WARS2: variants seen among roughly 807,000 people sequenced by gnomAD.
The protein encoded by WARS2 is tryptophanyl tRNA synthetase 2, mitochondrial, also known as tryptophan--tRNA ligase, mitochondrial.
WARS2 carries 28 observed loss-of-function variants against 36.5 expected under a neutral mutation model. The ratio of observed to expected loss-of-function variants is 0.77; its 90% CI spans 0.57 to 1.05. The LOEUF is 1.05. Ranked by LOEUF, WARS2 falls within the 50% of genes least tolerant of loss-of-function variation. The probability of loss-of-function intolerance (pLI) is 0.00; values close to 1 mark genes in which losing one functional copy is unlikely to be tolerated. For missense variants in WARS2, 435 were observed against 456.8 expected (o/e 0.95, Z 0.44); for synonymous variants, 174 against 178.4 (o/e 0.98, Z 0.20).
At chr1:119,110,687 C>T (rs587734326) in intron 1 of WARS2, among the ~76,000 whole-genome samples, 3 of 152,148 alleles carry the variant, frequency 2.0e-5, no homozygotes, top group Admixed American at 1.3e-4. Flanking sequence ...TGCTGTCTAA[C>T]ATTAATGTGG....
At chr1:119,041,234 T>C (rs1158034769) in intron 4 of WARS2, among the ~76,000 whole-genome samples, 2 of 152,200 alleles carry the variant, frequency 1.3e-5, no homozygotes, top group Admixed American at 6.5e-5. Flanking sequence ...ACTGGTGCAG[T>C]GTCTTCTTTT....
chr1:119,064,747 T>A (rs966008095), intron 2 of WARS2: 31 of 152,888 alleles, frequency 2.0e-4, no homozygotes, highest in Non-Finnish European at 4.4e-5. Flanking sequence ...GGCCTCCCCA[T>A]GTAAAACTCT....
intron 1 of WARS2, among the ~76,000 whole-genome samples, chr1:119,108,327 T>A (rs1030440110): frequency 6.6e-6 from 1 of 151,972 alleles, no homozygotes; most frequent in African/African-American, 2.4e-5. Context: ...TACTTTATAT[T>A]TTGGAAGGTT....
At chr1:119,129,946 A>T (rs181397238) in intron 1 of WARS2, among the ~76,000 whole-genome samples, 1 of 152,254 alleles carries the variant, frequency 6.6e-6, no homozygotes, top group African/African-American at 2.4e-5. Flanking sequence ...CTTGAATCAC[A>T]TTTCTCTGCA....
intron 1 of WARS2, among the ~76,000 whole-genome samples, chr1:119,133,270 T>C (rs1005589960): frequency 2.6e-5 from 4 of 152,212 alleles, no homozygotes; most frequent in Admixed American, 2.6e-4. Flanking sequence ...GAAACAAGAC[T>C]GTAAGAATAG....
intron 1 of WARS2, among the ~76,000 whole-genome samples, chr1:119,116,089 TA>T (rs1256868924): frequency 2.0e-5 from 3 of 152,218 alleles, no homozygotes; most frequent in African/African-American, 7.2e-5. Flanking sequence ...GAATATGATA[TA>T]AAGTCTGCTT....
intron 1 of WARS2, among the ~76,000 whole-genome samples, chr1:119,093,635 G>T (rs1653208211): frequency 6.6e-6 from 1 of 152,016 alleles, no homozygotes; most frequent in African/African-American, 2.4e-5. Flanking sequence ...AAGAGACAAG[G>T]AAGGGTTCTT....
At chr1:119,085,371 T>C in intron 1 of WARS2, 1 of 1,380,708 alleles carries the variant, frequency 7.2e-7, no homozygotes, top group Non-Finnish European at 1.0e-6. Flanking sequence ...AGGGCCAGGG[T>C]TGTCCTCTTC....
At chr1:119,066,427 G>T (rs1392316281) in intron 2 of WARS2, among the ~76,000 whole-genome samples, 1 of 140,920 alleles carries the variant, frequency 7.1e-6, no homozygotes, top group Non-Finnish European at 1.5e-5. Flanking sequence ...GCAGTGAGCT[G>T]AGATCATGCC....
chr1:119,042,194 T>C, intron 4 of WARS2, 70 bp downstream of exon 4: 13 of 1,458,450 alleles, frequency 8.9e-6, no homozygotes, highest in Non-Finnish European at 1.2e-5. Flanking sequence ...ACCAAGTCTG[T>C]ATTGAATAGG....
At chr1:119,076,791 A>G (rs1052749783) in intron 1 of WARS2, among the ~76,000 whole-genome samples, 184 bp from the exon 2 acceptor site, 5 of 152,170 alleles carry the variant, frequency 3.3e-5, no homozygotes, top group African/African-American at 1.2e-4. Flanking sequence ...GGCACAAAAA[A>G]ATGATATTAA....
At chr1:119,066,426 T>G (rs759434912) in intron 2 of WARS2, among the ~76,000 whole-genome samples, 1 of 136,906 alleles carries the variant, frequency 7.3e-6, no homozygotes, top group Non-Finnish European at 1.5e-5. Flanking sequence ...TGCAGTGAGC[T>G]GAGATCATGC....
At chr1:119,043,707 A>C (rs1648561964) in intron 3 of WARS2, among the ~76,000 whole-genome samples, 2 of 152,228 alleles carry the variant, frequency 1.3e-5, no homozygotes, top group African/African-American at 2.4e-5. Flanking sequence ...AGAAGAACCC[A>C]ATTTTTAAAA....
In WARS2 at chr1:119,032,051, T is replaced by A. The variant is rs1307754670; in HGVS notation, c.*860A>T. 2 of 153,730 alleles carry A rather than the reference T, an allele frequency of 1.3e-5. No homozygotes were observed. The highest frequency in any genetic ancestry group is 4.8e-5 in the African/African-American group (2 of 41,434). 9.5% of individuals were successfully genotyped at this position (153,730 alleles called of 1,614,324 possible). A position where few individuals can be genotyped will look rare whatever the true frequency, so the allele number is the denominator to read the frequency against. ...GTACTGAATAAACAAGCACTATTCT[T>A]AAGAATAAGGGGTAAGGGTTTTACT... On this transcript the variant is annotated 3_prime_UTR_variant, in exon 6 of 6. Transcript: ENST00000235521.
chr1:119,066,436 C>A (rs1469625779), intron 2 of WARS2, among the ~76,000 whole-genome samples: 4 of 146,646 alleles, frequency 2.7e-5, no homozygotes, highest in Non-Finnish European at 3.0e-5. Context: ...TGAGATCATG[C>A]CATTGCACTC....
chr1:119,050,414 T>C (rs1450417797), intron 2 of WARS2, among the ~76,000 whole-genome samples: 1 of 152,204 alleles, frequency 6.6e-6, no homozygotes, highest in African/African-American at 2.4e-5. Context: ...GTTTGGCTTA[T>C]TTATTTATTA....
chr1:119,126,690 A>G, intron 1 of WARS2: 2 of 727,070 alleles, frequency 2.8e-6, no homozygotes, highest in Non-Finnish European at 5.1e-6. Context: ...CAGCATTTTT[A>G]CTTTTCTAAC....
chr1:119,065,915 T>TTTTA (rs1650804012), intron 2 of WARS2, among the ~76,000 whole-genome samples: 1 of 152,158 alleles, frequency 6.6e-6, no homozygotes, highest in Non-Finnish European at 1.5e-5. Flanking sequence ...GCTGTGGTAT[T>TTTTA]AACCAATGTG....
rs1647973652 is a variant in WARS2, at chr1:119,037,393, TG to T, written c.516-3181del. The stretch of plus-strand genomic sequence containing the variant: ...CTACATATATCTGCTCACAGAGATT[TG>T]TTCTCTTATTATTTCTTTTTCTACT... On this transcript the variant is annotated intron_variant, in intron 4 of 5. Coordinates refer to ENST00000235521, the MANE Select transcript of WARS2 (RefSeq NM_015836.4). 7.2e-5 allele frequency among the ~76,000 whole-genome samples: 11 copies of T among 152,310 alleles called. No individual in the cohort carries two copies. In the South Asian group the frequency reaches 2.3e-3, roughly 32 times the overall value.
Sources: allele counts gnomAD v4.1 joint callset (sites outside exome capture counted in the v4.1 genomes callset), GRCh38; gene constraint gnomAD v4.1.1; transcripts MANE v1.5; gene names NCBI Gene and HGNC (gene_info 2026-07-23, HGNC 2026-07-21).